Variants in SULT2B1 observed in about 807,000 individuals in gnomAD.
The protein encoded by SULT2B1 is sulfotransferase 2B1.
Under a neutral mutation model 33.2 loss-of-function variants are expected in SULT2B1, and 16 were observed. The ratio of observed to expected loss-of-function variants is 0.48; its 90% CI spans 0.33 to 0.73. SULT2B1 has a LOEUF of 0.73. SULT2B1 is among the 30% of genes least tolerant of loss of function. The pLI, the probability that SULT2B1 is intolerant of heterozygous loss-of-function variation, is 0.02. For missense variants in SULT2B1, 500 were observed against 506.0 expected, an observed-to-expected ratio of 0.99 and a Z score of 0.11; for synonymous variants, 186 against 200.5, an observed-to-expected ratio of 0.93 and a Z score of 0.61.
Position 48,596,653 on chromosome 19 carries a change from A to T in SULT2B1, c.646-86A>T, listed in dbSNP as rs577779148. ...AGCGTCCCTCAGGCAGCCCCAGGTT[A>T]GGACCCAGACATGCGGATCCCAGGT... On this transcript the variant is annotated intron_variant, in intron 5 of 6. Coordinates refer to ENST00000201586, the MANE Select transcript of SULT2B1 (RefSeq NM_177973.2). 6.4e-6 allele frequency: 9 copies of T among 1,405,510 alleles called. No homozygotes were observed. The East Asian group carries it at 2.0e-4, about 31-fold the overall frequency. 87.1% of individuals were successfully genotyped at this position (1,405,510 alleles called of 1,614,324 possible).
chr19:48,564,660 T>A (rs1973223269), intron 1 of SULT2B1, among the ~76,000 whole-genome samples: 1 of 151,286 alleles, frequency 6.6e-6, no homozygotes, highest in Non-Finnish European at 1.5e-5. Flanking sequence ...AAATTTGGGG[T>A]TTTTTAAATT....
At chr19:48,560,061 G>C (rs1255764048) in intron 1 of SULT2B1, among the ~76,000 whole-genome samples, 1 of 152,112 alleles carries the variant, frequency 6.6e-6, no homozygotes, top group African/African-American at 2.4e-5. Flanking sequence ...GGACCCTCCT[G>C]GTAGAAAGGA....
intron 1 of SULT2B1, among the ~76,000 whole-genome samples, chr19:48,569,893 T>C (rs1348687842): frequency 6.6e-6 from 1 of 152,072 alleles, no homozygotes; most frequent in East Asian, 1.9e-4. Flanking sequence ...CTCAAACTCC[T>C]GATGTCAAGT....
intron 1 of SULT2B1, among the ~76,000 whole-genome samples, chr19:48,574,272 C>A (rs749256051): frequency 6.6e-6 from 1 of 152,140 alleles, no homozygotes; most frequent in Non-Finnish European, 1.5e-5. Flanking sequence ...CCCTTCATTC[C>A]TTCCTTCCTT....
chr19:48,569,350 A>AG (rs752473049), intron 1 of SULT2B1, among the ~76,000 whole-genome samples: 41,426 of 86,038 alleles, frequency 0.48, 7,955 homozygotes, highest in South Asian at 0.66. Context: ...TCAAAAAAAA[A>AG]AAAAAAAAAA....
intron 4 of SULT2B1, 113 bp downstream of exon 4, chr19:48,591,848 T>G: frequency 7.8e-7 from 1 of 1,287,856 alleles, no homozygotes; most frequent in Non-Finnish European, 1.0e-6. Flanking sequence ...ACACAGGGCA[T>G]CAAAAGGGGC....
At chr19:48,553,591 G>A (rs1973055222) in intron 1 of SULT2B1, among the ~76,000 whole-genome samples, 7 of 151,948 alleles carry the variant, frequency 4.6e-5, no homozygotes. Flanking sequence ...GGGATTACAG[G>A]CGTGGGCCAC....
At chr19:48,589,817 A>G (rs1410579695) in intron 3 of SULT2B1, among the ~76,000 whole-genome samples, 1 of 152,096 alleles carries the variant, frequency 6.6e-6, no homozygotes, top group Non-Finnish European at 1.5e-5. Flanking sequence ...AAAATTCGTC[A>G]CGTGTAGTGG....
intron 1 of SULT2B1, among the ~76,000 whole-genome samples, chr19:48,556,072 C>T (rs945405137): frequency 2.6e-5 from 4 of 152,184 alleles, no homozygotes; most frequent in East Asian, 1.9e-4. Context: ...GAAAGGGTTT[C>T]GCCACTTTCG....
In SULT2B1 at chr19:48,581,346, A is replaced by G. The variant is rs369408130; in HGVS notation, c.214+5263A>G. Among the ~76,000 whole-genome samples, 51 of 148,616 alleles carry G rather than the reference A, an allele frequency of 3.4e-4. No individual in the cohort carries two copies. In the East Asian group the frequency reaches 8.7e-3, roughly 25 times the overall value. ...GGCATGAGCCACCGCACCTGGCCAT[A>G]TATTCCTTTTTGTTTGTTCTATTAC... is the stretch of plus-strand genomic sequence containing the variant. On this transcript the variant is annotated intron_variant, in intron 2 of 6. Coordinates refer to ENST00000201586, the MANE Select transcript of SULT2B1 (RefSeq NM_177973.2).
intron 1 of SULT2B1, among the ~76,000 whole-genome samples, chr19:48,572,965 T>C (rs968876279): frequency 6.6e-6 from 1 of 152,048 alleles, no homozygotes; most frequent in Non-Finnish European, 1.5e-5. Context: ...GAGACCAGCC[T>C]GGCCAACATG....
At chr19:48,559,858 C>A (rs1051990436) in intron 1 of SULT2B1, among the ~76,000 whole-genome samples, 1 of 151,718 alleles carries the variant, frequency 6.6e-6, no homozygotes, top group Non-Finnish European at 1.5e-5. Context: ...CCACAGCTCA[C>A]GCCTGTAATC....
At chr19:48,593,704 G>A (rs893084330) in intron 5 of SULT2B1, among the ~76,000 whole-genome samples, 3 of 150,194 alleles carry the variant, frequency 2.0e-5, no homozygotes, top group South Asian at 2.1e-4. Context: ...GCATGATCTC[G>A]GCTCACCGCA....
chr19:48,555,277 A>C (rs1973083310), intron 1 of SULT2B1, among the ~76,000 whole-genome samples: 1 of 151,876 alleles, frequency 6.6e-6, no homozygotes, highest in African/African-American at 2.4e-5. Flanking sequence ...TTTTTAGTTG[A>C]GACAGGATTT....
At chr19:48,580,146 G>A (rs1568409705) in intron 2 of SULT2B1, among the ~76,000 whole-genome samples, 2 of 149,602 alleles carry the variant, frequency 1.3e-5, no homozygotes, top group South Asian at 2.1e-4. Context: ...TGCCCAGACT[G>A]GTTTCAAACT....
At chr19:48,570,325 G>A (rs148138685) in intron 1 of SULT2B1, among the ~76,000 whole-genome samples, 107 of 151,842 alleles carry the variant, frequency 7.0e-4, no homozygotes, top group African/African-American at 2.2e-3. Context: ...GATTACAGGC[G>A]TGCACCACCA....
intron 1 of SULT2B1, among the ~76,000 whole-genome samples, chr19:48,554,349 C>A (rs1216820694): frequency 6.7e-6 from 1 of 148,360 alleles, no homozygotes; most frequent in Non-Finnish European, 1.5e-5. Context: ...TCAGGGATGT[C>A]CCCTCCCCAT....
rs1973641043 is a variant in SULT2B1, at chr19:48,591,432, C to T, written c.424-177C>T. ...GTTGCAATGAGCTGAGATGGCGCCA[C>T]TGCACTCCAGCCTGGGCGAAACAGA... On this transcript the variant is annotated intron_variant, in intron 3 of 6. Coordinates refer to ENST00000201586, the MANE Select transcript of SULT2B1 (RefSeq NM_177973.2). Among the ~76,000 whole-genome samples, 3 of 152,170 alleles carry T rather than the reference C, an allele frequency of 2.0e-5. No individual in the cohort carries two copies. In the South Asian group the frequency reaches 6.2e-4, roughly 32 times the overall value.
At chr19:48,555,508 CTT>C (rs899838016) in intron 1 of SULT2B1, among the ~76,000 whole-genome samples, 7 of 151,812 alleles carry the variant, frequency 4.6e-5, no homozygotes, top group Non-Finnish European at 8.8e-5. Flanking sequence ...CTCTCTCTCT[CTT>C]TGCTTATCTG....
Sources: allele counts gnomAD v4.1 joint callset (sites outside exome capture counted in the v4.1 genomes callset), GRCh38; gene constraint gnomAD v4.1.1; transcripts MANE v1.5; gene names NCBI Gene and HGNC (gene_info 2026-07-23, HGNC 2026-07-21).